SORCS1: variants seen among roughly 807,000 people sequenced by gnomAD.
SORCS1 encodes the protein VPS10 domain-containing receptor SorCS1.
SORCS1 carries 60 observed loss-of-function variants against 146.1 expected under a neutral mutation model. The ratio of observed to expected loss-of-function variants is 0.41; its 90% CI spans 0.33 to 0.51. The LOEUF is 0.51. Among genes scored for constraint, SORCS1 ranks in the 20% least tolerant of loss-of-function variants. The probability of loss-of-function intolerance (pLI) is 0.21; values close to 1 mark genes in which losing one functional copy is unlikely to be tolerated. For synonymous variants in SORCS1, 637 were observed against 584.0 expected, an observed-to-expected ratio of 1.09 and a Z score of -1.31; for missense variants, 1,352 against 1,487.6, an observed-to-expected ratio of 0.91 and a Z score of 1.50.
intron 2 of SORCS1, among the ~76,000 whole-genome samples, chr10:106,866,660 C>A (rs759475092): frequency 6.6e-6 from 1 of 152,128 alleles, no homozygotes; most frequent in African/African-American, 2.4e-5. Context: ...CATGGGGAAG[C>A]CACACAACCG....
Position 106,672,799 on chromosome 10 carries a change from C to A in SORCS1, c.2058+69G>T, listed in dbSNP as rs1851705995. ...GAGCATCCTAGTTCCTATACCTTAG[C>A]AACTAGCTTTCCCCCAACACCACTC... On this transcript the variant is annotated intron_variant, in intron 15 of 25. Transcript: ENST00000263054. 2.4e-5 allele frequency: 32 copies of A among 1,307,114 alleles called. No homozygotes were observed. The South Asian group carries it at 2.9e-4, about 12-fold the overall frequency. 81.0% of individuals were successfully genotyped at this position (1,307,114 alleles called of 1,614,324 possible).
intron 4 of SORCS1, among the ~76,000 whole-genome samples, chr10:106,769,205 G>T (rs1471417608): frequency 2.6e-5 from 4 of 152,192 alleles, no homozygotes; most frequent in Non-Finnish European, 5.9e-5. Flanking sequence ...GGAACAATTG[G>T]CTGGGAGCGG....
At chr10:107,108,717 C>A (rs531900223) in intron 1 of SORCS1, among the ~76,000 whole-genome samples, 1 of 152,110 alleles carries the variant, frequency 6.6e-6, no homozygotes, top group Non-Finnish European at 1.5e-5. Context: ...ACAGTCCCCC[C>A]GTCTTAACTC....
chr10:106,689,705 A>C lies in SORCS1; in HGVS notation c.1414-1367T>G, dbSNP rs117539852. 8.7e-3 allele frequency among the ~76,000 whole-genome samples: 1,330 copies of C among 152,308 alleles called. 9 individuals are homozygous for C. Among genetic ancestry groups the C allele is most frequent in the Non-Finnish European group, 0.015 (1,026 of 68,026 alleles). ...CCTGCAGCTTTTACCCCAATTCTAC[A>C]GATAAAGAAACTGAGATCACAGAAA... is the stretch of plus-strand genomic sequence containing the variant. On this transcript the variant is annotated intron_variant, in intron 9 of 25. Coordinates refer to ENST00000263054, the MANE Select transcript of SORCS1 (RefSeq NM_052918.5).
chr10:107,146,256 G>A (rs1175322465), intron 1 of SORCS1, among the ~76,000 whole-genome samples: 2 of 152,090 alleles, frequency 1.3e-5, no homozygotes, highest in Non-Finnish European at 2.9e-5. Context: ...AATCCTAAGC[G>A]TTTGTCTCTT....
At chr10:106,651,544 G>A (rs1229120542) in intron 18 of SORCS1, among the ~76,000 whole-genome samples, 2 of 152,178 alleles carry the variant, frequency 1.3e-5, no homozygotes, top group African/African-American at 2.4e-5. Context: ...AGCAGAGGAA[G>A]TTGGAAGTCA....
intron 18 of SORCS1, among the ~76,000 whole-genome samples, chr10:106,635,013 C>G (rs1848648850): frequency 6.6e-6 from 1 of 152,150 alleles, no homozygotes; most frequent in Non-Finnish European, 1.5e-5. Flanking sequence ...GCACAAAACC[C>G]ACATGAAATC....
At chr10:106,751,597 C>A (rs570745762) in intron 5 of SORCS1, among the ~76,000 whole-genome samples, 1 of 152,094 alleles carries the variant, frequency 6.6e-6, no homozygotes, top group Non-Finnish European at 1.5e-5. Flanking sequence ...TAATAAATAG[C>A]CTAGTGCATG....
chr10:106,855,596 G>A (rs958133032), intron 2 of SORCS1, among the ~76,000 whole-genome samples: 3 of 151,908 alleles, frequency 2.0e-5, no homozygotes, highest in Admixed American at 6.6e-5. Context: ...TTAAGTTTTG[G>A]AAGTTTCTGT....
At chr10:106,624,211 A>T (rs983067643) in intron 19 of SORCS1, among the ~76,000 whole-genome samples, 4 of 152,184 alleles carry the variant, frequency 2.6e-5, no homozygotes, top group African/African-American at 9.7e-5. Flanking sequence ...AGCACCAAGT[A>T]TCAATTTTGA....
intron 18 of SORCS1, among the ~76,000 whole-genome samples, chr10:106,640,041 A>G (rs1021411126): frequency 2.0e-5 from 3 of 151,980 alleles, no homozygotes; most frequent in African/African-American, 7.2e-5. Context: ...AAAGAAACTG[A>G]TGCCTGCCTC....
chr10:106,597,699 CTT>C (rs1845988531), intron 23 of SORCS1, among the ~76,000 whole-genome samples: 1 of 152,140 alleles, frequency 6.6e-6, no homozygotes, highest in African/African-American at 2.4e-5. Context: ...TAATTATACT[CTT>C]TAAAAATTAT....
rs180852562 is a variant in SORCS1, at chr10:106,968,210, A to G, written c.559-11630T>C. 2.1e-4 allele frequency among the ~76,000 whole-genome samples: 32 copies of G among 152,238 alleles called. 2 individuals carry two copies. The East Asian group carries it at 2.7e-3, about 13-fold the overall frequency. ...GGGCGACAGCGAGACTTCGTCTCAA[A>G]AAAAAAAAGAGAAAAGATGTACCAA... On this transcript the variant is annotated intron_variant, in intron 1 of 25. Transcript: ENST00000263054.
intron 2 of SORCS1, among the ~76,000 whole-genome samples, chr10:106,871,849 G>C (rs1024050259): frequency 6.6e-6 from 1 of 151,306 alleles, no homozygotes; most frequent in African/African-American, 2.4e-5. Context: ...CATGACATAA[G>C]TTTACCTATG....
At chr10:106,640,395 C>G (rs1221023992) in intron 18 of SORCS1, among the ~76,000 whole-genome samples, 1 of 152,160 alleles carries the variant, frequency 6.6e-6, no homozygotes, top group Non-Finnish European at 1.5e-5. Context: ...AAGTTTCAGT[C>G]TTTGTATGTA....
intron 3 of SORCS1, among the ~76,000 whole-genome samples, chr10:106,777,778 T>A (rs1481284821): frequency 6.6e-6 from 1 of 152,202 alleles, no homozygotes; most frequent in African/African-American, 2.4e-5. Context: ...CAACTCTCTG[T>A]GGGTCTTTCA....
chr10:107,040,524 C>G lies in SORCS1; in HGVS notation c.559-83944G>C, dbSNP rs576006217. Among the ~76,000 whole-genome samples the G allele has an allele frequency of 2.6e-5, 4 of 152,246 alleles. No homozygotes were observed. In the East Asian group the frequency reaches 7.7e-4, roughly 29 times the overall value. ...CAGCTGAGATGTCACAAGTAAAATA[C>G]CCTCTAACTTTAGTATGTAAAGCCA... On this transcript the variant is annotated intron_variant, in intron 1 of 25. Coordinates refer to ENST00000263054, the MANE Select transcript of SORCS1 (RefSeq NM_052918.5).
At position 106,577,498 on chromosome 10, in the gene SORCS1, G is replaced by T. The variant is rs371145813; in HGVS notation, c.3429C>A (p.Leu1143=). 4 of 1,541,070 alleles carry T rather than the reference G, an allele frequency of 2.6e-6. No individual in the cohort carries two copies. The African/African-American group carries it at 5.5e-5, about 21-fold the overall frequency. The change falls in exon 26 of 26, where the codon CTC becomes CTA. Residue 1143 remains leucine (L), a synonymous_variant. Transcript: ENST00000263054. ...TGGCGTGTCTTGCTCTTTGCAATCGGAGAGATGAGTCACCAGGTTGAGTAG... is the reference window on the plus strand; with the variant it reads ...TGGCGTGTCTTGCTCTTTGCAATCGTAGAGATGAGTCACCAGGTTGAGTAG... ...SPSTQPGDSS[L]RLQRARHATP...
intron 3 of SORCS1, among the ~76,000 whole-genome samples, chr10:106,784,410 C>T (rs1234374786): frequency 6.8e-6 from 1 of 147,088 alleles, no homozygotes; most frequent in Admixed American, 6.7e-5. Context: ...AAAAAAAAAA[C>T]CTAAACATGG....
Sources: allele counts gnomAD v4.1 joint callset (sites outside exome capture counted in the v4.1 genomes callset), GRCh38; gene constraint gnomAD v4.1.1; transcripts MANE v1.5; gene names NCBI Gene and HGNC (gene_info 2026-07-23, HGNC 2026-07-21).